The following RYR1 variants were observed in gnomAD, a reference collection of about 807,000 sequenced individuals.
RYR1 encodes central core disease of muscle.
A neutral mutation model predicts 583.5 loss-of-function variants in RYR1; 342 were observed. That is an observed-to-expected ratio of 0.59 (90% CI 0.54 to 0.64). The LOEUF is 0.64. Among genes scored for constraint, RYR1 ranks in the 30% least tolerant of loss-of-function variants. The probability of loss-of-function intolerance (pLI) is 0.00; values close to 1 mark genes in which losing one functional copy is unlikely to be tolerated. For synonymous variants in RYR1, 2,791 were observed against 2,822.5 expected (o/e 0.99, Z 0.35); for missense variants, 6,032 against 6,917.2 (o/e 0.87, Z 4.54).
In RYR1 at chr19:38,444,790, C is replaced by T; in HGVS notation, c.631+113C>T. 7 of 807,170 alleles carry T rather than the reference C, an allele frequency of 8.7e-6. No homozygotes were observed. Among genetic ancestry groups the T allele is most frequent in the South Asian group, 3.0e-5 (2 of 67,536 alleles). 50.0% of individuals were successfully genotyped at this position (807,170 alleles called of 1,614,324 possible). On this transcript the variant is annotated intron_variant, in intron 7 of 105. Coordinates refer to ENST00000359596, the MANE Select transcript of RYR1 (RefSeq NM_000540.3). The surrounding 1 kb of genome is among the most constrained non-coding windows in gnomAD (Gnocchi z 5.1). ...GGAACCTCAGACCTCAAACCTAGAT[C>T]TCCAAATTATGGCTCTCACACTTAG...
intron 9 of RYR1, 85 bp downstream of exon 9, chr19:38,446,853 A>T (rs955145133): frequency 3.1e-5 from 34 of 1,097,254 alleles, no homozygotes; most frequent in Non-Finnish European, 4.5e-5. Context: ...TTGAGGGAAG[A>T]TCTGATAAAG....
rs899836129 is a variant in RYR1, at chr19:38,433,740, A to ACCCCAGCCCGC, written c.-80_-70dup. 15 of 705,108 alleles carry ACCCCAGCCCGC rather than the reference A, an allele frequency of 2.1e-5. 1 individual carries two copies. In the Admixed American group the frequency reaches 2.2e-4, roughly 10 times the overall value. The allele number at this position is 705,108 out of a possible 1,614,324, so 43.7% of individuals were successfully genotyped here. A position where few individuals can be genotyped will look rare whatever the true frequency, so the allele number is the denominator to read the frequency against. ...CCTCTGGTGTCTCCAGAGGTCTCCG[A>ACCCCAGCCCGC]CCCCAGCCCGCCCCCAGCCCTCCCG... On this transcript the variant is annotated 5_prime_UTR_variant, in exon 1 of 106. Coordinates refer to ENST00000359596, the MANE Select transcript of RYR1 (RefSeq NM_000540.3).
At chr19:38,477,539 C>T (rs995387138) in intron 29 of RYR1, among the ~76,000 whole-genome samples, 171 bp from the exon 30 acceptor site, 4 of 152,090 alleles carry the variant, frequency 2.6e-5, no homozygotes, top group East Asian at 1.9e-4. Context: ...TCTAGAATTG[C>T]ACAAATTGAC....
intron 91 of RYR1, 62 bp from the exon 92 acceptor site, chr19:38,566,849 G>A: frequency 6.4e-7 from 1 of 1,560,984 alleles, no homozygotes; most frequent in Non-Finnish European, 8.7e-7. Flanking sequence ...GAGAGGAGCA[G>A]GCAGGCAGCC....
intron 105 of RYR1, 115 bp downstream of exon 105, chr19:38,586,691 C>A: frequency 9.5e-7 from 1 of 1,054,166 alleles, no homozygotes; most frequent in Non-Finnish European, 1.5e-6. Context: ...GGGCTGGGGG[C>A]TGGGCACGGC....
At chr19:38,453,154 G>A in intron 13 of RYR1, 140 bp downstream of exon 13, 1 of 867,390 alleles carries the variant, frequency 1.2e-6, no homozygotes, top group Non-Finnish European at 1.8e-6. Flanking sequence ...GGCAGGAGAA[G>A]GAGCCGGACA....
At chr19:38,525,093 T>G (rs1381718527) in intron 70 of RYR1, among the ~76,000 whole-genome samples, 1 of 152,056 alleles carries the variant, frequency 6.6e-6, no homozygotes, top group Non-Finnish European at 1.5e-5. Flanking sequence ...TAAATTTGTT[T>G]AAAAAACAAG....
chr19:38,542,936 G>C (rs1221065845), intron 84 of RYR1, among the ~76,000 whole-genome samples: 1 of 151,870 alleles, frequency 6.6e-6, no homozygotes, highest in East Asian at 1.9e-4. Context: ...CTGCCTCCGG[G>C]GTTGAAGCGA....
Position 38,578,215 on chromosome 19 carries a change from GC to G in RYR1, c.14364+14del. The G allele has an allele frequency of 6.2e-7, 1 of 1,613,010 alleles. No individual in the cohort carries two copies. Among genetic ancestry groups the G allele is most frequent in the Non-Finnish European group, 8.5e-7 (1 of 1,179,536 alleles). On this transcript the variant is annotated intron_variant, in intron 99 of 105. Coordinates refer to ENST00000359596, the MANE Select transcript of RYR1 (RefSeq NM_000540.3). ...ATCTTCACAGACAACGTGAGCAGGG[GC>G]CCACAGACTGGGGAGGGACTCTGCA...
rs375709463 is a variant in RYR1 at position 38,473,682 on chromosome 19, C to T, written c.4071C>T (p.Pro1357=). 975 of 1,550,296 alleles carry T rather than the reference C, an allele frequency of 6.3e-4. 6 individuals are homozygous for T. The African/African-American group carries it at 0.012, about 19-fold the overall frequency. The change falls in exon 28 of 106, where the codon CCC becomes CCT. Residue 1357 remains proline (P), a synonymous_variant. Transcript: ENST00000359596. The part of the protein sequence containing the change: ...GKEGTAKEGA[P]GGTPQAGGEA... ...AAGGGACTGCGAAGGAGGGCGCCCC[C>T]GGGGGCACCCCGCAGGCGGGGGGAG...
At chr19:38,491,157 A>G (rs73030966) in intron 37 of RYR1, among the ~76,000 whole-genome samples, 3,379 of 152,032 alleles carry the variant, frequency 0.022, 53 homozygotes, top group South Asian at 0.042. Context: ...ATGATGAATT[A>G]TTTTTCCTTG....
In RYR1 at chr19:38,504,331, T is replaced by A. The variant is rs1453234577; in HGVS notation, c.8038T>A (p.Trp2680Arg). The A allele has an allele frequency of 6.2e-7, 1 of 1,614,168 alleles. No homozygotes were observed. The highest frequency in any genetic ancestry group is 8.5e-7 in the Non-Finnish European group (1 of 1,180,034). ...EELHLTRKLF[W>R]GIFDSLAHKK... ...GCTGCACCTCACACGGAAACTCTTCTGGGGCATCTTTGACTCTCTGGCCCA... is the reference window on the plus strand; with the variant it reads ...GCTGCACCTCACACGGAAACTCTTCAGGGGCATCTTTGACTCTCTGGCCCA... Residue 2680 changes from tryptophan (W) to arginine (R), a missense_variant, in exon 50 of 106, where the codon TGG becomes AGG. Around this residue, in one of 11 missense-constraint regions of RYR1, gnomAD observed 1,493 missense variants for 1,715.5 expected, o/e 0.87. Coordinates refer to ENST00000359596, the MANE Select transcript of RYR1 (RefSeq NM_000540.3).
At position 38,444,735 on chromosome 19, in the gene RYR1, T is replaced by G; in HGVS notation, c.631+58T>G. ...TCCCCCCAAAACAGACCCTTAATGT[T>G]GCCCTTCAGGCATACCCAAATGGAG... is the stretch of plus-strand genomic sequence containing the variant. On this transcript the variant is annotated intron_variant, in intron 7 of 105. Coordinates refer to ENST00000359596, the MANE Select transcript of RYR1 (RefSeq NM_000540.3). The surrounding 1 kb of genome is among the most constrained non-coding windows in gnomAD (Gnocchi z 5.1). 7.4e-7 allele frequency: 1 copy of G among 1,351,428 alleles called. No homozygotes were observed. The highest frequency in any genetic ancestry group is 1.0e-6 in the Non-Finnish European group (1 of 956,114). The allele number at this position is 1,351,428 out of a possible 1,614,324, so 83.7% of individuals were successfully genotyped here.
rs770593660 is a variant in RYR1, at chr19:38,494,381, G to C, written c.6304G>C (p.Val2102Leu). The change falls in exon 39 of 106, where the codon GTG (valine) becomes CTG (leucine). Residue 2102 changes from valine (V) to leucine (L), a missense_variant. Transcript: ENST00000359596. The part of the protein sequence containing the change: ...RSLQELVSHM[V>L]VRWAQEDFVQ... Reference sequence around the variant, plus strand: ...CCTGCAGGAGCTGGTGTCCCACATGGTGGTGCGCTGGGCCCAAGAGGACTT... The same window carrying C: ...CCTGCAGGAGCTGGTGTCCCACATGCTGGTGCGCTGGGCCCAAGAGGACTT... The C allele has an allele frequency of 1.2e-6, 2 of 1,611,738 alleles. No individual in the cohort carries two copies. The highest frequency in any genetic ancestry group is 1.7e-6 in the Non-Finnish European group (2 of 1,179,984).
chr19:38,546,549 G>C, intron 88 of RYR1, 23 bp downstream of exon 88: 1 of 1,600,608 alleles, frequency 6.2e-7, no homozygotes, highest in Middle Eastern at 1.7e-4. Flanking sequence ...GAGTGAGGGT[G>C]AGGGAACAGT....
At position 38,502,721 on chromosome 19, in the gene RYR1, T is replaced by G; in HGVS notation, c.7829T>G (p.Leu2610Arg). 6.8e-7 allele frequency: 1 copy of G among 1,471,956 alleles called. No individual in the cohort carries two copies. The highest frequency in any genetic ancestry group is 9.1e-7 in the Non-Finnish European group (1 of 1,099,238). 91.2% of individuals were successfully genotyped at this position (1,471,956 alleles called of 1,614,324 possible). A position where few individuals can be genotyped will look rare whatever the true frequency, so the allele number is the denominator to read the frequency against. Residue 2610 changes from leucine to arginine, a missense_variant, in exon 48 of 106, where the codon CTC (leucine) becomes CGC (arginine). By Grantham distance (102) the Leu-to-Arg change is moderately radical. Coordinates refer to ENST00000359596, the MANE Select transcript of RYR1 (RefSeq NM_000540.3). ...GTCATCGAGGACTGCCTCATGTCGC[T>G]CTGCAGGTGGAGCGGGGCAGGCTTC... is the stretch of plus-strand genomic sequence containing the variant. The part of the protein sequence containing the change: ...RDVIEDCLMS[L>R]CRYIRPSMLQ...
In RYR1 at chr19:38,460,518, G is replaced by A. The variant is rs1221640752; in HGVS notation, c.2504G>A (p.Gly835Glu). The change falls in exon 20 of 106, where the codon GGG becomes GAG. Residue 835 changes from glycine to glutamate, a missense_variant. Coordinates refer to ENST00000359596, the MANE Select transcript of RYR1 (RefSeq NM_000540.3). ...IKEYRREGPR[G>E]PHLVGPSRCL... is the part of the protein sequence containing the mutation. ...GAGTATCGACGGGAGGGGCCCCGGG[G>A]GCCTCACCTGGTGGGCCCCAGTCGC... 1.2e-6 allele frequency: 2 copies of A among 1,614,118 alleles called. No homozygotes were observed. Among genetic ancestry groups the A allele is most frequent in the Non-Finnish European group, 1.7e-6 (2 of 1,180,026 alleles).
chr19:38,448,300 G>A, intron 9 of RYR1, 55 bp from the exon 10 acceptor site: 1 of 1,575,154 alleles, frequency 6.3e-7, no homozygotes, highest in Non-Finnish European at 8.6e-7. Flanking sequence ...AGACTGTAAT[G>A]TCCATGGGAG....
In RYR1 at chr19:38,543,779, C is replaced by T; in HGVS notation, c.11916C>T (p.Cys3972=). ...GGCACTCTGCCTCCCAGGGTCCCTG[C>T]ACCGGGAACCAGCAGAGCCTGGCGC... ...NSLTEYIQGP[C]TGNQQSLAHS... Residue 3972 remains cysteine (C), a synonymous_variant, in exon 87 of 106, where the codon TGC becomes TGT. Coordinates refer to ENST00000359596, the MANE Select transcript of RYR1 (RefSeq NM_000540.3). The surrounding 1 kb of genome is among the most constrained non-coding windows in gnomAD (Gnocchi z 4.4). 1 of 1,613,286 alleles carries T rather than the reference C, an allele frequency of 6.2e-7. No individual in the cohort carries two copies.
Sources: allele counts gnomAD v4.1 joint callset (sites outside exome capture counted in the v4.1 genomes callset), GRCh38; gene constraint gnomAD v4.1.1; regional missense constraint gnomAD v4.1.1; non-coding constraint Gnocchi (gnomAD v3.1); transcripts MANE v1.5; gene names NCBI Gene and HGNC (gene_info 2026-07-23, HGNC 2026-07-21).